PKHD1L1: variants seen among roughly 807,000 people sequenced by gnomAD.
PKHD1L1 encodes the protein fibrocystin-L.
Under a neutral mutation model 462.9 loss-of-function variants are expected in PKHD1L1, and 434 were observed. The ratio of observed to expected loss-of-function variants is 0.94; its 90% CI spans 0.87 to 1.02. The LOEUF (loss-of-function observed/expected upper bound fraction) is 1.02, where lower values mean the gene tolerates loss of function less well. PKHD1L1 is among the 50% of genes least tolerant of loss of function. The pLI is 0.00. For missense variants in PKHD1L1, 5,202 were observed against 5,096.1 expected (o/e 1.02, Z -0.63); for synonymous variants, 1,781 against 1,750.0 (o/e 1.02, Z -0.44).
Position 109,396,025 on chromosome 8 carries a change from A to C in PKHD1L1, c.812-2A>C, listed in dbSNP as rs1812954285. ...ATTTTATTTAATGTGGTTTTCCCCC[A>C]GAGGTCACCATGATTTTCCCTTCAC... On this transcript the variant is annotated splice_acceptor_variant, in intron 10 of 77. Transcript: ENST00000378402. LOFTEE classifies it high-confidence loss of function. The C allele has an allele frequency of 5.1e-6, 8 of 1,582,378 alleles. No homozygotes were observed. The highest frequency in any genetic ancestry group is 6.9e-6 in the Non-Finnish European group (8 of 1,160,436).
Position 109,454,762 on chromosome 8 carries a change from A to T in PKHD1L1, c.6784A>T (p.Ile2262Phe), listed in dbSNP as rs1816725231. ...ETSPFQHKAV[I>F]TLHGHLRSPE... ...ATCCCCATTCCAACACAAGGCTGTC[A>T]TTACCTTGCATGGTCACCTGCGATC... Residue 2262 changes from isoleucine to phenylalanine, a missense_variant, in exon 45 of 78, where the codon ATT becomes TTT. Coordinates refer to ENST00000378402, the MANE Select transcript of PKHD1L1 (RefSeq NM_177531.6). 7 of 1,613,702 alleles carry T rather than the reference A, an allele frequency of 4.3e-6. No individual in the cohort carries two copies. Among genetic ancestry groups the T allele is most frequent in the African/African-American group, 1.3e-5 (1 of 74,886 alleles).
chr8:109,444,516 G>A, intron 37 of PKHD1L1, 145 bp from the exon 38 acceptor site: 1 of 718,058 alleles, frequency 1.4e-6, no homozygotes, highest in Non-Finnish European at 2.2e-6. Flanking sequence ...GCGTTAATCA[G>A]CCCCTCCCAA....
rs1461275490 is a variant in PKHD1L1, at chr8:109,533,160, A to G, written c.*3070A>G. ...CATGGGCAAGTGCTTCATTGGGAAG[A>G]GTTTTTAATCCAAATTCCTGTTCAA... On this transcript the variant is annotated 3_prime_UTR_variant, in exon 78 of 78. Coordinates refer to ENST00000378402, the MANE Select transcript of PKHD1L1 (RefSeq NM_177531.6). Among the ~76,000 whole-genome samples, 1 of 152,222 alleles carries G rather than the reference A, an allele frequency of 6.6e-6. No homozygotes were observed. The highest frequency in any genetic ancestry group is 2.4e-5 in the African/African-American group (1 of 41,448).
chr8:109,468,106 A>G (rs930883088), intron 50 of PKHD1L1, among the ~76,000 whole-genome samples: 5 of 152,234 alleles, frequency 3.3e-5, no homozygotes, highest in Admixed American at 6.5e-5. Flanking sequence ...ATGTATCTCA[A>G]TATAAACCAA....
intron 36 of PKHD1L1, 82 bp downstream of exon 36, chr8:109,443,198 TG>T: frequency 7.5e-7 from 1 of 1,326,008 alleles, no homozygotes. Flanking sequence ...AGCAGATAAC[TG>T]GGTCTAACTG....
chr8:109,480,400 T>C (rs1170938519), intron 55 of PKHD1L1, among the ~76,000 whole-genome samples: 1 of 152,042 alleles, frequency 6.6e-6, no homozygotes, highest in Non-Finnish European at 1.5e-5. Context: ...AGAATATCTA[T>C]GTCATTATGA....
chr8:109,513,670 GC>G (rs1230244193), intron 71 of PKHD1L1, among the ~76,000 whole-genome samples: 1 of 152,040 alleles, frequency 6.6e-6, no homozygotes, highest in African/African-American at 2.4e-5. Flanking sequence ...GGAGGCACCA[GC>G]CCCTTCCCAG....
intron 43 of PKHD1L1, 75 bp from the exon 44 acceptor site, chr8:109,454,092 G>A: frequency 2.5e-6 from 2 of 792,328 alleles, no homozygotes; most frequent in Non-Finnish European, 4.0e-6. Flanking sequence ...ATGTTAAATT[G>A]TAATGAATAA....
chr8:109,446,594 T>A (rs540421071), intron 38 of PKHD1L1, among the ~76,000 whole-genome samples: 3 of 152,300 alleles, frequency 2.0e-5, no homozygotes, highest in East Asian at 1.9e-4. Context: ...GCTGTCGAAA[T>A]CTTCTTTAAT....
chr8:109,415,462 G>C (rs1814098786), intron 21 of PKHD1L1, among the ~76,000 whole-genome samples: 1 of 152,132 alleles, frequency 6.6e-6, no homozygotes, highest in Admixed American at 6.5e-5. Flanking sequence ...AGTATGAAGT[G>C]GGAAACAGCC....
chr8:109,480,652 C>T lies in PKHD1L1; in HGVS notation c.9327+513C>T, dbSNP rs540472756. ...TGAACCTGTACCAGCTTAATCAGCT[C>T]GATTGTCCTGTCAGTCTTGTAATAT... On this transcript the variant is annotated intron_variant, in intron 55 of 77. Transcript: ENST00000378402. The T allele has an allele frequency of 1.5e-3, 685 of 453,270 alleles. 17 individuals are homozygous for T. Among genetic ancestry groups the T allele is most frequent in the South Asian group, 0.01 (666 of 63,902 alleles). The allele number at this position is 453,270 out of a possible 1,614,324, so 28.1% of individuals were successfully genotyped here. A position where few individuals can be genotyped will look rare whatever the true frequency, so the allele number is the denominator to read the frequency against.
Position 109,440,776 on chromosome 8 carries a change from C to T in PKHD1L1, c.4023C>T (p.Ser1341=), listed in dbSNP as rs1291533107. 1.2e-6 allele frequency: 2 copies of T among 1,612,766 alleles called. No individual in the cohort carries two copies. Among genetic ancestry groups the T allele is most frequent in the Non-Finnish European group, 1.7e-6 (2 of 1,179,174 alleles). The change falls in exon 33 of 78, where the codon TCC becomes TCT. Residue 1341 remains serine, a synonymous_variant. Coordinates refer to ENST00000378402, the MANE Select transcript of PKHD1L1 (RefSeq NM_177531.6). ...CCAGCATGTTTCCACAAAGAGGCTC[C>T]TTGTTTGGTGGAACTGAAATCACCA... The part of the protein sequence containing the change: ...EVTSMFPQRG[S]LFGGTEITIR...
At position 109,451,985 on chromosome 8, in the gene PKHD1L1, A is replaced by G; in HGVS notation, c.6351-139A>G. 4.5e-6 allele frequency: 3 copies of G among 669,608 alleles called. 1 individual carries two copies. The highest frequency in any genetic ancestry group is 5.5e-5 in the South Asian group (2 of 36,086). The allele number at this position is 669,608 out of a possible 1,614,324, so 41.5% of individuals were successfully genotyped here. A position where few individuals can be genotyped will look rare whatever the true frequency, so the allele number is the denominator to read the frequency against. On this transcript the variant is annotated intron_variant, in intron 41 of 77. Coordinates refer to ENST00000378402, the MANE Select transcript of PKHD1L1 (RefSeq NM_177531.6). ...TTTTGAAGTCTTAATATTGAAAAAA[A>G]GCATCAATCTACACTTTGGTGGCTG...
intron 68 of PKHD1L1, among the ~76,000 whole-genome samples, chr8:109,506,337 T>G (rs1819690865): frequency 6.6e-6 from 1 of 152,128 alleles, no homozygotes; most frequent in South Asian, 2.1e-4. Flanking sequence ...CCCACCAGCC[T>G]GCAGTCCCTG....
intron 14 of PKHD1L1, among the ~76,000 whole-genome samples, chr8:109,403,120 C>G (rs1254179217): frequency 1.3e-5 from 2 of 152,244 alleles, no homozygotes; most frequent in East Asian, 3.9e-4. Context: ...AAAGCAACTC[C>G]TAATACATCT....
rs1288156234 is a variant in PKHD1L1, at chr8:109,396,036, T to C, written c.821T>C (p.Met274Thr). The change falls in exon 11 of 78, where the codon ATG becomes ACG. Residue 274 changes from methionine (M) to threonine (T), a missense_variant. Around this residue, in one of 3 missense-constraint regions of PKHD1L1, gnomAD observed 4,497 missense variants for 4,336.8 expected, o/e 1.04. Coordinates refer to ENST00000378402, the MANE Select transcript of PKHD1L1 (RefSeq NM_177531.6). ...AMFQTYAEVT[M>T]IFPSQGSIRG... ...TGTGGTTTTCCCCCAGAGGTCACCA[T>C]GATTTTCCCTTCACAAGGAAGCATT... The C allele has an allele frequency of 6.3e-7, 1 of 1,597,488 alleles. No homozygotes were observed.
intron 55 of PKHD1L1, chr8:109,480,530 G>C (rs1818224540): frequency 4.6e-6 from 2 of 435,766 alleles, no homozygotes; most frequent in African/African-American, 2.1e-5. Context: ...AAAAACCAAA[G>C]GGACATAGAT....
intron 27 of PKHD1L1, among the ~76,000 whole-genome samples, chr8:109,432,770 TAA>T (rs1482420874): frequency 6.6e-6 from 1 of 152,224 alleles, no homozygotes; most frequent in East Asian, 1.9e-4. Flanking sequence ...CATCATATAC[TAA>T]GTTACCATAT....
chr8:109,432,526 A>G (rs979341658), intron 27 of PKHD1L1, among the ~76,000 whole-genome samples: 2 of 152,116 alleles, frequency 1.3e-5, no homozygotes, highest in South Asian at 2.1e-4. Flanking sequence ...CTATCTATCT[A>G]TCCATCTATC....
Sources: gnomAD v4.1 joint callset for allele counts (sites outside exome capture counted in the v4.1 genomes callset) on GRCh38, gnomAD v4.1.1 for gene constraint, gnomAD v4.1.1 regional missense constraint, MANE v1.5 for transcripts, NCBI Gene and HGNC (gene_info 2026-07-23, HGNC 2026-07-21) for gene names.